The following KIDINS220 variants were observed in gnomAD, a reference collection of about 807,000 sequenced individuals.
KIDINS220 encodes the protein kinase D interacting substrate 220, also known as kinase D-interacting substrate of 220 kDa.
Under a neutral mutation model 157.6 loss-of-function variants are expected in KIDINS220, and 63 were observed. The ratio of observed to expected loss-of-function variants is 0.40; its 90% confidence interval spans 0.33 to 0.49. The LOEUF is 0.49. Among genes scored for constraint, KIDINS220 ranks in the 20% least tolerant of loss-of-function variants. The pLI, the probability that KIDINS220 is intolerant of heterozygous loss-of-function variation, is 0.66. For synonymous variants in KIDINS220, 732 were observed against 783.6 expected (o/e 0.93, Z 1.10); for missense variants, 1,772 against 2,171.2 (o/e 0.82, Z 3.65).
chr2:8,725,100 C>G (rs1663192274), downstream of KIDINS220: 1 of 152,060 alleles, frequency 6.6e-6, no homozygotes, highest in Admixed American at 6.6e-5. Flanking sequence ...CTTAACAACA[C>G]AAAATGACTG....
At chr2:8,836,316 T>A (rs1191124847) in intron 1 of KIDINS220, among the ~76,000 whole-genome samples, 1 of 152,104 alleles carries the variant, frequency 6.6e-6, no homozygotes, top group East Asian at 1.9e-4. Context: ...GAATTTGAAG[T>A]GTCCCAAAAG....
intron 17 of KIDINS220, among the ~76,000 whole-genome samples, chr2:8,784,397 A>T (rs1672110748): frequency 6.6e-6 from 1 of 152,210 alleles, no homozygotes; most frequent in Admixed American, 6.5e-5. Context: ...AGCAAGATCC[A>T]TGAAAGAAAG....
downstream of KIDINS220, chr2:8,721,973 G>A (rs1458126091): frequency 6.6e-6 from 1 of 152,172 alleles, no homozygotes; most frequent in East Asian, 1.9e-4. Flanking sequence ...TATCCAAAAT[G>A]AGTACAGGAT....
downstream of KIDINS220, chr2:8,722,551 T>C (rs1327244070): frequency 6.6e-6 from 1 of 152,226 alleles, no homozygotes; most frequent in African/African-American, 2.4e-5. Context: ...AGAGTTCCTG[T>C]TACCACTGTT....
intron 26 of KIDINS220, among the ~76,000 whole-genome samples, chr2:8,744,384 AAAAAATATATATATATAAT>A (rs1666167928): frequency 6.1e-4 from 17 of 27,928 alleles, no homozygotes; most frequent in South Asian, 4.1e-3. Flanking sequence ...AAAAAAAAAA[AAAAAATATATATATATAAT>A]ATATATATAT....
chr2:8,784,829 C>T (rs1672174774), intron 17 of KIDINS220, among the ~76,000 whole-genome samples: 1 of 152,180 alleles, frequency 6.6e-6, no homozygotes, highest in Non-Finnish European at 1.5e-5. Context: ...TGCAAAATAG[C>T]CACCTCAGAA....
intron 26 of KIDINS220, among the ~76,000 whole-genome samples, chr2:8,743,679 C>A (rs1270603630): frequency 6.6e-6 from 1 of 152,212 alleles, no homozygotes; most frequent in Non-Finnish European, 1.5e-5. Flanking sequence ...ATCTGGCACC[C>A]CTTTCCTGTG....
rs1672322426 is a variant in KIDINS220, at chr2:8,785,832, T to C, written c.2138A>G (p.Gln713Arg). 6.2e-7 allele frequency: 1 copy of C among 1,614,044 alleles called. No homozygotes were observed. Among genetic ancestry groups the C allele is most frequent in the African/African-American group, 1.3e-5 (1 of 74,898 alleles). The change falls in exon 17 of 30, where the codon CAA (glutamine) becomes CGA (arginine). Residue 713 changes from glutamine (Q) to arginine (R), a missense_variant. Gln to Arg is a conservative substitution (Grantham distance 43). Coordinates refer to ENST00000256707, the MANE Select transcript of KIDINS220 (RefSeq NM_020738.4). Reference sequence around the variant, plus strand: ...GGAATTCAGGAGCGAGTCCAGCACTTGCCACCATGTACGACAGTTCAACAC... The same window carrying C: ...GGAATTCAGGAGCGAGTCCAGCACTCGCCACCATGTACGACAGTTCAACAC... ...AFVLNCRTWWQVLDSLLNSQR... is the reference protein window; with the variant it reads ...AFVLNCRTWWRVLDSLLNSQR...
In KIDINS220 at chr2:8,776,743, G is replaced by C; in HGVS notation, c.2848+5C>G. On this transcript the variant is annotated splice_donor_5th_base_variant and intron_variant, in intron 21 of 29. Coordinates refer to ENST00000256707, the MANE Select transcript of KIDINS220 (RefSeq NM_020738.4). ...CTATCATAGACAATAAGAGACAAAA[G>C]TCACCTGTCACAGAAACAATATTAA... 1 of 1,611,708 alleles carries C rather than the reference G, an allele frequency of 6.2e-7. No homozygotes were observed. Among genetic ancestry groups the C allele is most frequent in the Non-Finnish European group, 8.5e-7 (1 of 1,179,056 alleles).
intron 26 of KIDINS220, among the ~76,000 whole-genome samples, chr2:8,738,219 G>A (rs1257639656): frequency 6.6e-6 from 1 of 152,152 alleles, no homozygotes; most frequent in Non-Finnish European, 1.5e-5. Context: ...AGGAAGCAGA[G>A]ACAGCTTTTC....
At chr2:8,833,303 T>C (rs1236153089) in intron 1 of KIDINS220, among the ~76,000 whole-genome samples, 1 of 152,202 alleles carries the variant, frequency 6.6e-6, no homozygotes, top group Admixed American at 6.5e-5. Flanking sequence ...ACCTAACCCA[T>C]ATGAAGCCAA....
intron 1 of KIDINS220, among the ~76,000 whole-genome samples, chr2:8,828,558 G>A (rs566274273): frequency 4.6e-5 from 7 of 152,226 alleles, no homozygotes; most frequent in Admixed American, 4.6e-4. Context: ...CCACATACAG[G>A]TGCTAACTCA....
chr2:8,796,373 G>A (rs982393939), intron 11 of KIDINS220, among the ~76,000 whole-genome samples: 11 of 152,084 alleles, frequency 7.2e-5, no homozygotes, highest in African/African-American at 2.7e-4. Flanking sequence ...AAGGACACGC[G>A]GCAGAACAAA....
chr2:8,794,038 T>C (rs184841897), intron 11 of KIDINS220, 51 bp from the exon 12 acceptor site: 1 of 1,331,972 alleles, frequency 7.5e-7, no homozygotes, highest in Non-Finnish European at 1.0e-6. Flanking sequence ...ATATATAGTA[T>C]GCAGACAGTA....
intron 28 of KIDINS220, 120 bp from the exon 29 acceptor site, chr2:8,733,800 T>C (rs988234083): frequency 1.5e-6 from 1 of 648,420 alleles, no homozygotes; most frequent in African/African-American, 1.8e-5. Context: ...AGCATACTTC[T>C]GGTAAGTGAA....
chr2:8,748,699 C>T (rs1380392721), intron 24 of KIDINS220, among the ~76,000 whole-genome samples: 1 of 152,178 alleles, frequency 6.6e-6, no homozygotes, highest in Non-Finnish European at 1.5e-5. Context: ...AAACCTTCCC[C>T]ACCCTTTTTA....
At chr2:8,798,838 G>C (rs1226322814) in intron 9 of KIDINS220, among the ~76,000 whole-genome samples, 1 of 152,094 alleles carries the variant, frequency 6.6e-6, no homozygotes, top group Non-Finnish European at 1.5e-5. Context: ...CACAGACCTT[G>C]AAAGTAGAGC....
intron 4 of KIDINS220, among the ~76,000 whole-genome samples, chr2:8,813,581 T>C (rs963714120): frequency 6.6e-6 from 1 of 152,214 alleles, no homozygotes; most frequent in Non-Finnish European, 1.5e-5. Flanking sequence ...TTAGAGAACA[T>C]TCATTATGAA....
In KIDINS220 at chr2:8,817,668, T is replaced by A; in HGVS notation, c.256A>T (p.Ile86Phe). The A allele has an allele frequency of 6.2e-7, 1 of 1,608,578 alleles. No homozygotes were observed. The highest frequency in any genetic ancestry group is 8.5e-7 in the Non-Finnish European group (1 of 1,176,962). The change falls in exon 4 of 30, where the codon ATC becomes TTC. Residue 86 changes from isoleucine to phenylalanine, a missense_variant. Transcript: ENST00000256707. ...ISASKEGHVH[I>F]VEELLKCGVN... ...CCACATTTCAGTAGTTCCTCTACGATGTGCACATGCCCTTCTTTCGATGCA... is the reference window on the plus strand; with the variant it reads ...CCACATTTCAGTAGTTCCTCTACGAAGTGCACATGCCCTTCTTTCGATGCA...
Sources: gnomAD v4.1 joint callset for allele counts (sites outside exome capture counted in the v4.1 genomes callset) on GRCh38, gnomAD v4.1.1 for gene constraint, MANE v1.5 for transcripts, NCBI Gene and HGNC (gene_info 2026-07-23, HGNC 2026-07-21) for gene names.